The following CNTNAP2 variants were observed in gnomAD, a reference collection of about 807,000 sequenced individuals.
The protein encoded by CNTNAP2 is contactin-associated protein-like 2.
Under a neutral mutation model 155.2 loss-of-function variants are expected in CNTNAP2, and 98 were observed. The ratio of observed to expected loss-of-function variants is 0.63; its 90% CI spans 0.54 to 0.75. The LOEUF (loss-of-function observed/expected upper bound fraction) is 0.75, where lower values mean the gene tolerates loss of function less well. CNTNAP2 is among the 30% of genes least tolerant of loss of function. The pLI is 0.00. For synonymous variants in CNTNAP2, 651 were observed against 631.2 expected (o/e 1.03, Z -0.47); for missense variants, 1,727 against 1,688.1 (o/e 1.02, Z -0.40).
intron 11 of CNTNAP2, among the ~76,000 whole-genome samples, chr7:147,498,372 T>G (rs922971282): frequency 1.3e-5 from 2 of 152,184 alleles, no homozygotes; most frequent in African/African-American, 4.8e-5. Context: ...TATTTTCCGC[T>G]TTTACCAGAT....
At chr7:147,169,526 G>T in intron 8 of CNTNAP2, among the ~76,000 whole-genome samples, 1 of 152,130 alleles carries the variant, frequency 6.6e-6, no homozygotes, top group Middle Eastern at 3.4e-3. Context: ...GTGAGAACAC[G>T]CGGTATTTGG....
At chr7:147,994,873 A>G (rs1801775047) in intron 15 of CNTNAP2, among the ~76,000 whole-genome samples, 1 of 152,202 alleles carries the variant, frequency 6.6e-6, no homozygotes, top group Non-Finnish European at 1.5e-5. Context: ...AAGAGAAATG[A>G]GAGGCAGCCT....
chr7:147,254,444 CAGAG>C (rs1804274420), intron 8 of CNTNAP2, among the ~76,000 whole-genome samples: 1 of 152,010 alleles, frequency 6.6e-6, no homozygotes. Flanking sequence ...AATGTTGAAT[CAGAG>C]AGCCATTTTG....
chr7:147,981,919 G>A (rs17432209), intron 15 of CNTNAP2, among the ~76,000 whole-genome samples: 64,295 of 151,196 alleles, frequency 0.43, 15,354 homozygotes, highest in Middle Eastern at 0.65. Flanking sequence ...ATGGTTCGCT[G>A]AAATAAAAAG....
intron 15 of CNTNAP2, among the ~76,000 whole-genome samples, chr7:148,047,609 T>G (rs73470220): frequency 0.038 from 5,712 of 152,268 alleles, 196 homozygotes; most frequent in African/African-American, 0.088. Context: ...GACATTTGTT[T>G]GCAGTATGAG....
chr7:148,231,812 C>T (rs1454454238), intron 20 of CNTNAP2, among the ~76,000 whole-genome samples: 4 of 152,158 alleles, frequency 2.6e-5, no homozygotes, highest in South Asian at 2.1e-4. Flanking sequence ...AGTCCCTAAT[C>T]ACATCTCTTG....
At position 146,587,929 on chromosome 7, in the gene CNTNAP2, C is replaced by A. The variant is rs1014354693; in HGVS notation, c.98-186342C>A. On this transcript the variant is annotated intron_variant, in intron 1 of 23. Coordinates refer to ENST00000361727, the MANE Select transcript of CNTNAP2 (RefSeq NM_014141.6). ...CCTCAGGTGATCTGCCCACCTCAGC[C>A]TCCTAAAGTGCTGGGATTACAGGTG... Among the ~76,000 whole-genome samples, 3 of 151,994 alleles carry A rather than the reference C, an allele frequency of 2.0e-5. No individual in the cohort carries two copies. The East Asian group carries it at 5.8e-4, about 29-fold the overall frequency.
chr7:146,618,899 G>A (rs571766734), intron 1 of CNTNAP2, among the ~76,000 whole-genome samples: 40 of 151,932 alleles, frequency 2.6e-4, no homozygotes, highest in Non-Finnish European at 4.3e-4. Context: ...GTGAAACCCT[G>A]TCCCTACTAA....
intron 1 of CNTNAP2, among the ~76,000 whole-genome samples, chr7:146,134,445 A>G (rs1181552061): frequency 2.0e-5 from 3 of 150,894 alleles, no homozygotes; most frequent in African/African-American, 4.9e-5. Flanking sequence ...TTCCAACACT[A>G]TGTTGAATAG....
intron 13 of CNTNAP2, among the ~76,000 whole-genome samples, chr7:147,820,166 G>A (rs182573708): frequency 1.9e-4 from 29 of 152,130 alleles, no homozygotes; most frequent in East Asian, 7.7e-4. Context: ...TGGTGCAGCC[G>A]TCAGAGTTTT....
At chr7:147,205,403 A>G (rs1007459189) in intron 8 of CNTNAP2, among the ~76,000 whole-genome samples, 1 of 152,078 alleles carries the variant, frequency 6.6e-6, no homozygotes, top group African/African-American at 2.4e-5. Context: ...GAAGAATGTT[A>G]TTGGTACTTT....
chr7:146,991,604 G>T (rs1194780722), intron 3 of CNTNAP2, among the ~76,000 whole-genome samples: 1 of 152,112 alleles, frequency 6.6e-6, no homozygotes. Context: ...ACCAATATAG[G>T]AGTGGATTTA....
intron 13 of CNTNAP2, among the ~76,000 whole-genome samples, chr7:147,680,954 T>C (rs1795939850): frequency 6.6e-6 from 1 of 151,930 alleles, no homozygotes; most frequent in Non-Finnish European, 1.5e-5. Flanking sequence ...AATTAATATA[T>C]ACGTTATATA....
chr7:147,168,221 C>T (rs1802158229), intron 8 of CNTNAP2, among the ~76,000 whole-genome samples: 1 of 150,538 alleles, frequency 6.6e-6, no homozygotes, highest in South Asian at 2.1e-4. Flanking sequence ...ATTACATATG[C>T]ATGTCACTTG....
At position 146,707,942 on chromosome 7, in the gene CNTNAP2, C is replaced by T. The variant is rs563265415; in HGVS notation, c.98-66329C>T. Among the ~76,000 whole-genome samples the T allele has an allele frequency of 1.2e-4, 18 of 151,846 alleles. No individual in the cohort carries two copies. The South Asian group carries it at 3.5e-3, about 30-fold the overall frequency. The stretch of plus-strand genomic sequence containing the variant: ...AATGCATGGAGTAGGAAATTCAAAG[C>T]GACATTTTTGATTATGTATGCATCA... On this transcript the variant is annotated intron_variant, in intron 1 of 23. Coordinates refer to ENST00000361727, the MANE Select transcript of CNTNAP2 (RefSeq NM_014141.6).
intron 21 of CNTNAP2, among the ~76,000 whole-genome samples, chr7:148,301,152 G>C (rs900405096): frequency 6.6e-6 from 1 of 151,672 alleles, no homozygotes; most frequent in African/African-American, 2.4e-5. Context: ...AAATTGGCTG[G>C]GCATGGTGGC....
intron 3 of CNTNAP2, among the ~76,000 whole-genome samples, chr7:146,926,813 C>T (rs1013919508): frequency 3.9e-5 from 6 of 151,960 alleles, no homozygotes; most frequent in African/African-American, 1.4e-4. Context: ...TGTATACAAT[C>T]CAAAAATATG....
chr7:148,033,809 A>G (rs763422053), intron 15 of CNTNAP2, among the ~76,000 whole-genome samples: 4 of 152,214 alleles, frequency 2.6e-5, no homozygotes, highest in Non-Finnish European at 5.9e-5. Flanking sequence ...TGAGCTAAGG[A>G]TGGTGGATTG....
intron 1 of CNTNAP2, among the ~76,000 whole-genome samples, chr7:146,712,396 A>ATATCTTATGT (rs1801111112): frequency 7.0e-6 from 1 of 143,184 alleles, no homozygotes; most frequent in Non-Finnish European, 1.5e-5. Flanking sequence ...TATATATATA[A>ATATCTTATGT]ATAAAATAAA....
Sources: gnomAD v4.1 joint callset for allele counts (sites outside exome capture counted in the v4.1 genomes callset) on GRCh38, gnomAD v4.1.1 for gene constraint, MANE v1.5 for transcripts, NCBI Gene and HGNC (gene_info 2026-07-23, HGNC 2026-07-21) for gene names.